CDKL2: variants seen among roughly 807,000 people sequenced by gnomAD.
CDKL2 encodes cyclin-dependent kinase-like 2.
Under a neutral mutation model 63.9 loss-of-function variants are expected in CDKL2, and 64 were observed. The ratio of observed to expected loss-of-function variants is 1.00; its 90% CI spans 0.82 to 1.23. The LOEUF is 1.23. CDKL2 is among the 50% of genes most tolerant of loss of function. The probability of loss-of-function intolerance (pLI) is 0.00; values close to 1 mark genes in which losing one functional copy is unlikely to be tolerated. For synonymous variants in CDKL2, 211 were observed against 229.2 expected, an observed-to-expected ratio of 0.92 and a Z score of 0.72; for missense variants, 656 against 668.0, an observed-to-expected ratio of 0.98 and a Z score of 0.20.
At chr4:75,629,374 T>G (rs1040249110) in intron 1 of CDKL2, among the ~76,000 whole-genome samples, 1 of 152,230 alleles carries the variant, frequency 6.6e-6, no homozygotes, top group Non-Finnish European at 1.5e-5. Context: ...CCCAACCAAT[T>G]GCATATCTGG....
At chr4:75,611,642 C>A (rs1729698795) in intron 3 of CDKL2, among the ~76,000 whole-genome samples, 1 of 150,302 alleles carries the variant, frequency 6.7e-6, no homozygotes, top group African/African-American at 2.4e-5. Context: ...TGAAGCTTAG[C>A]AGGGAACCAC....
intron 3 of CDKL2, among the ~76,000 whole-genome samples, chr4:75,614,012 T>C (rs951071709): frequency 6.6e-6 from 1 of 152,020 alleles, no homozygotes; most frequent in Non-Finnish European, 1.5e-5. Context: ...AGCTGAGATC[T>C]TGCCACTGCA....
chr4:75,627,731 C>CTTTT lies in CDKL2; in HGVS notation c.-29-1718_-29-1715dup, dbSNP rs57328528. Among the ~76,000 whole-genome samples the CTTTT allele has an allele frequency of 5.8e-4, 50 of 85,982 alleles. 1 individual carries two copies. The highest frequency in any genetic ancestry group is 9.5e-4 in the Admixed American group (6 of 6,290). 56.4% of individuals were successfully genotyped at this position (85,982 alleles called of 152,430 possible). ...AAATATTTTTCTTTACTTTTTTTTT[C>CTTTT]TTTTTTTTTTTTTTTTTTTTGAAAC... On this transcript the variant is annotated intron_variant, in intron 1 of 13. Coordinates refer to ENST00000307465, the MANE Select transcript of CDKL2 (RefSeq NM_001330724.2).
chr4:75,603,493 G>T (rs1472773771), intron 6 of CDKL2, among the ~76,000 whole-genome samples: 1 of 150,218 alleles, frequency 6.7e-6, no homozygotes, highest in Admixed American at 6.6e-5. Context: ...CACTTTGGGA[G>T]GCCGAGGCGG....
intron 3 of CDKL2, among the ~76,000 whole-genome samples, chr4:75,611,826 G>A (rs568472923): frequency 6.6e-6 from 1 of 151,336 alleles, no homozygotes; most frequent in Non-Finnish European, 1.5e-5. Flanking sequence ...AGCTAATTTT[G>A]TATTTTTAGT....
chr4:75,592,025 A>T (rs1728737619), intron 11 of CDKL2, 100 bp from the exon 12 acceptor site: 3 of 1,281,034 alleles, frequency 2.3e-6, no homozygotes, highest in Admixed American at 4.9e-5. Flanking sequence ...TACTTATTAT[A>T]ACAGGTATTT....
intron 12 of CDKL2, among the ~76,000 whole-genome samples, chr4:75,591,057 T>A (rs1728692460): frequency 6.6e-6 from 1 of 151,946 alleles, no homozygotes; most frequent in African/African-American, 2.4e-5. Flanking sequence ...TAGAAAAAAA[T>A]GACTATATGG....
chr4:75,613,368 A>G (rs1729789018), intron 3 of CDKL2, among the ~76,000 whole-genome samples: 1 of 152,172 alleles, frequency 6.6e-6, no homozygotes, highest in African/African-American at 2.4e-5. Context: ...AAATATATCA[A>G]TTTAGGTGGC....
At chr4:75,624,693 C>T (rs1053497329) in intron 2 of CDKL2, among the ~76,000 whole-genome samples, 2 of 134,346 alleles carry the variant, frequency 1.5e-5, no homozygotes, top group African/African-American at 5.6e-5. Flanking sequence ...TACTAAAATA[C>T]AAAAAAAAAA....
At chr4:75,581,970 C>A (rs1728283720) in intron 12 of CDKL2, 72 bp from the exon 13 acceptor site, 10 of 973,290 alleles carry the variant, frequency 1.0e-5, no homozygotes, top group South Asian at 1.4e-5. Flanking sequence ...AATTTCAATT[C>A]TATTTGTTCA....
chr4:75,602,305 G>A (rs1323994034), intron 6 of CDKL2, among the ~76,000 whole-genome samples: 1 of 151,930 alleles, frequency 6.6e-6, no homozygotes, highest in South Asian at 2.1e-4. Flanking sequence ...TCACCTTCCC[G>A]AGTAGCGGGG....
Position 75,576,503 on chromosome 4 carries a change from A to G in CDKL2, c.*2699T>C, listed in dbSNP as rs1448166830. 1.3e-5 allele frequency among the ~76,000 whole-genome samples: 2 copies of G among 152,278 alleles called. No homozygotes were observed. Among genetic ancestry groups the G allele is most frequent in the African/African-American group, 4.8e-5 (2 of 41,476 alleles). The stretch of plus-strand genomic sequence containing the variant: ...ACCCTTGAGAAAACAATGTGAGAAC[A>G]TAATTTTTTATTCATATAGATAGAG... On this transcript the variant is annotated 3_prime_UTR_variant, in exon 14 of 14. Transcript: ENST00000307465.
rs548858607 is a variant in CDKL2, at chr4:75,601,225, T to C, written c.796-856A>G. Reference sequence around the variant, plus strand: ...ACATCAATTAGATATTTTATGATAGTAAGAAATTATTTGGAATTTTTAAAA... The same window carrying C: ...ACATCAATTAGATATTTTATGATAGCAAGAAATTATTTGGAATTTTTAAAA... On this transcript the variant is annotated intron_variant, in intron 6 of 13. Coordinates refer to ENST00000307465, the MANE Select transcript of CDKL2 (RefSeq NM_001330724.2). Among the ~76,000 whole-genome samples the C allele has an allele frequency of 2.0e-5, 3 of 152,288 alleles. No individual in the cohort carries two copies. In the South Asian group the frequency reaches 6.2e-4, roughly 32 times the overall value.
intron 13 of CDKL2, among the ~76,000 whole-genome samples, chr4:75,580,308 A>G (rs1560569476): frequency 6.6e-6 from 1 of 152,048 alleles, no homozygotes; most frequent in African/African-American, 2.4e-5. Flanking sequence ...TATCATCATA[A>G]TATTTTACAT....
At position 75,607,311 on chromosome 4, in the gene CDKL2, G is replaced by T; in HGVS notation, c.414C>A (p.Gly138=). Residue 138 remains glycine, a synonymous_variant, in exon 4 of 14, where the codon GGC becomes GGA. Transcript: ENST00000307465. ...ATCCAAAATCGCATAGCTTGACAAC[G>T]CCAGACTGGGAGACTAATATATTCT... is the stretch of plus-strand genomic sequence containing the variant. ...KPENILVSQS[G]VVKLCDFGFA... 6.2e-7 allele frequency: 1 copy of T among 1,613,980 alleles called. No individual in the cohort carries two copies. Among genetic ancestry groups the T allele is most frequent in the African/African-American group, 1.3e-5 (1 of 75,044 alleles).
chr4:75,600,492 C>G, intron 6 of CDKL2, 123 bp from the exon 7 acceptor site: 1 of 658,926 alleles, frequency 1.5e-6, no homozygotes. Flanking sequence ...GGGTCTCACT[C>G]TGTTGCCCAG....
chr4:75,625,354 G>C (rs1730352182), intron 2 of CDKL2, among the ~76,000 whole-genome samples: 1 of 151,980 alleles, frequency 6.6e-6, no homozygotes, highest in Admixed American at 6.6e-5. Flanking sequence ...ATAACTCAGG[G>C]ATTAAGAAAA....
chr4:75,587,248 G>A (rs1728515574), intron 12 of CDKL2, among the ~76,000 whole-genome samples: 1 of 152,010 alleles, frequency 6.6e-6, no homozygotes, highest in Non-Finnish European at 1.5e-5. Context: ...GAGGTTAGAA[G>A]TTTGAGACCA....
At position 75,577,234 on chromosome 4, in the gene CDKL2, C is replaced by G. The variant is rs1728061278; in HGVS notation, c.*1968G>C. On this transcript the variant is annotated 3_prime_UTR_variant, in exon 14 of 14. Transcript: ENST00000307465. Reference sequence around the variant, plus strand: ...CTAAATCATATCCTTGCAAGAGAAACTAAATAACCTTAAACTTAAAAAAAG... The same window carrying G: ...CTAAATCATATCCTTGCAAGAGAAAGTAAATAACCTTAAACTTAAAAAAAG... 6.6e-6 allele frequency among the ~76,000 whole-genome samples: 1 copy of G among 152,004 alleles called. No homozygotes were observed. The highest frequency in any genetic ancestry group is 2.4e-5 in the African/African-American group (1 of 41,388).
Sources: allele counts gnomAD v4.1 joint callset (sites outside exome capture counted in the v4.1 genomes callset), GRCh38; gene constraint gnomAD v4.1.1; transcripts MANE v1.5; gene names NCBI Gene and HGNC (gene_info 2026-07-23, HGNC 2026-07-21).